RFC4: variants seen among roughly 807,000 people sequenced by gnomAD.
RFC4 encodes the protein A1 37 kDa subunit.
A neutral mutation model predicts 47.6 loss-of-function variants in RFC4; 38 were observed. The ratio of observed to expected loss-of-function variants is 0.80; its 90% CI spans 0.62 to 1.05. The LOEUF (loss-of-function observed/expected upper bound fraction) is 1.05. Among genes scored for constraint, RFC4 ranks in the 50% least tolerant of loss-of-function variants. The pLI is 0.00. For missense variants in RFC4, 489 were observed against 434.0 expected, an observed-to-expected ratio of 1.13 and a Z score of -1.13; for synonymous variants, 164 against 150.0, an observed-to-expected ratio of 1.09 and a Z score of -0.68.
At position 186,804,485 on chromosome 3, in the gene RFC4, A is replaced by G. The variant is rs1313417855; in HGVS notation, c.131+98T>C. The G allele has an allele frequency of 2.1e-5, 26 of 1,238,638 alleles. No homozygotes were observed. The Middle Eastern group carries it at 8.2e-4, about 39-fold the overall frequency. 76.7% of individuals were successfully genotyped at this position (1,238,638 alleles called of 1,614,324 possible). Reference sequence around the variant, plus strand: ...TTCAAAGACAACTTCTAAACAGAACAAAGCATTCCTCCATAAGTTAAAAAA... The same window carrying G: ...TTCAAAGACAACTTCTAAACAGAACGAAGCATTCCTCCATAAGTTAAAAAA... On this transcript the variant is annotated intron_variant, in intron 2 of 10. Transcript: ENST00000296273.
Position 186,793,747 on chromosome 3 carries a change from G to C in RFC4, c.411-800C>G, listed in dbSNP as rs1335832859. Reference sequence around the variant, plus strand: ...TTGCCTTTTTTTTTTTTTTGAGATAGAGTCTTGCTCTGTCGCCCAGGCTGG... The same window carrying C: ...TTGCCTTTTTTTTTTTTTTGAGATACAGTCTTGCTCTGTCGCCCAGGCTGG... On this transcript the variant is annotated intron_variant, in intron 5 of 10. Transcript: ENST00000296273. The surrounding 1 kb of genome is among the most constrained non-coding windows in gnomAD (Gnocchi z 4.2). Among the ~76,000 whole-genome samples the C allele has an allele frequency of 6.7e-6, 1 of 149,652 alleles. No individual in the cohort carries two copies. The highest frequency in any genetic ancestry group is 1.5e-5 in the Non-Finnish European group (1 of 67,656).
At position 186,794,553 on chromosome 3, in the gene RFC4, T is replaced by C. The variant is rs549611577; in HGVS notation, c.410+105A>G. The stretch of plus-strand genomic sequence containing the variant: ...TCTTCTAACATGAAAAGTTGACAAT[T>C]TGGCAGAAATACACTTGATCTTAGC... On this transcript the variant is annotated intron_variant, in intron 5 of 10. Coordinates refer to ENST00000296273, the MANE Select transcript of RFC4 (RefSeq NM_002916.5). 1.3e-4 allele frequency: 145 copies of C among 1,137,344 alleles called. 1 individual carries two copies. The Middle Eastern group carries it at 3.2e-3, about 25-fold the overall frequency. The allele number at this position is 1,137,344 out of a possible 1,614,324, so 70.5% of individuals were successfully genotyped here.
chr3:186,791,173 G>T, intron 8 of RFC4: 1 of 156,130 alleles, frequency 6.4e-6, no homozygotes, highest in Non-Finnish European at 1.4e-5. Context: ...ACTGCCAAAG[G>T]CATCTCTTAT....
Position 186,790,330 on chromosome 3 carries a change from A to AAG in RFC4, c.877_878insCT (p.Val293AlafsTer5), listed in dbSNP as rs1722066044. 6.2e-7 allele frequency: 1 copy of AAG among 1,613,666 alleles called. No individual in the cohort carries two copies. Among genetic ancestry groups the AAG allele is most frequent in the African/African-American group, 1.3e-5 (1 of 74,892 alleles). On this transcript the variant is annotated frameshift_variant, in exon 9 of 11. Transcript: ENST00000296273. LOFTEE classifies it high-confidence loss of function. ...AAGTTAGTAAGCTGACTTTACCTTG[A>AAG]CCACAGCTTCTAGTTTGTCAAAAGA...
intron 2 of RFC4, 115 bp downstream of exon 2, chr3:186,804,466 GAC>G: frequency 9.8e-7 from 1 of 1,024,166 alleles, no homozygotes; most frequent in Non-Finnish European, 1.4e-6. Flanking sequence ...TTTTTTCAAA[GAC>G]AACTTCTAAA....
At chr3:186,797,252 G>A (rs1464849622) in intron 4 of RFC4, among the ~76,000 whole-genome samples, 1 of 152,152 alleles carries the variant, frequency 6.6e-6, no homozygotes, top group Non-Finnish European at 1.5e-5. Context: ...GGGCCCTCTG[G>A]ACTCCAAAGT....
At chr3:186,790,507 CTAAGTTCCATACT>C (rs1337849243) in intron 8 of RFC4, 101 bp from the exon 9 acceptor site, 2 of 825,662 alleles carry the variant, frequency 2.4e-6, no homozygotes, top group Admixed American at 1.9e-5. Flanking sequence ...TGTTCCACAC[CTAAGTTCCATACT>C]TTCCTGGGAA....
chr3:186,805,157 C>T (rs1405642556), intron 1 of RFC4, among the ~76,000 whole-genome samples: 1 of 152,178 alleles, frequency 6.6e-6, no homozygotes, highest in Admixed American at 6.5e-5. Flanking sequence ...ATTAAAGGTG[C>T]TCTGCTTGCA....
At chr3:186,792,702 G>A in intron 6 of RFC4, 92 bp from the exon 7 acceptor site, 1 of 1,554,818 alleles carries the variant, frequency 6.4e-7, no homozygotes, top group Non-Finnish European at 8.7e-7. Flanking sequence ...AGATTTGATG[G>A]AGGAAAAATT....
At chr3:186,801,022 T>C in intron 3 of RFC4, 95 bp downstream of exon 3, 1 of 901,130 alleles carries the variant, frequency 1.1e-6, no homozygotes, top group Admixed American at 1.8e-5. Flanking sequence ...CAGAGCAAGA[T>C]ATTTAACGAG....
At position 186,806,326 on chromosome 3, in the gene RFC4, G is replaced by A. The variant is rs754464562; in HGVS notation, c.-48C>T. 6.6e-6 allele frequency: 1 copy of A among 152,284 alleles called. No individual in the cohort carries two copies. The highest frequency in any genetic ancestry group is 6.5e-5 in the Admixed American group (1 of 15,286). 9.4% of individuals were successfully genotyped at this position (152,284 alleles called of 1,614,324 possible). On this transcript the variant is annotated 5_prime_UTR_variant, in exon 1 of 11. Coordinates refer to ENST00000296273, the MANE Select transcript of RFC4 (RefSeq NM_002916.5). ...GCTTCTCGTGCAGGTCACCGCCGCCGGCTCGTTCCTCAGGTTTCCGCGATA... is the reference window on the plus strand; with the variant it reads ...GCTTCTCGTGCAGGTCACCGCCGCCAGCTCGTTCCTCAGGTTTCCGCGATA...
Position 186,793,805 on chromosome 3 carries a change from C to T in RFC4, c.410+853G>A, listed in dbSNP as rs949788492. Among the ~76,000 whole-genome samples the T allele has an allele frequency of 6.6e-6, 1 of 151,844 alleles. No individual in the cohort carries two copies. The highest frequency in any genetic ancestry group is 1.5e-5 in the Non-Finnish European group (1 of 67,984). The stretch of plus-strand genomic sequence containing the variant: ...TGGTGCGATCTTGGCTCACTGCAAG[C>T]TCTGCCTCCTGGGTTCACGCCATAC... On this transcript the variant is annotated intron_variant, in intron 5 of 10. Transcript: ENST00000296273. The surrounding 1 kb of genome is among the most constrained non-coding windows in gnomAD (Gnocchi z 4.2).
At position 186,793,361 on chromosome 3, in the gene RFC4, T is replaced by A. The variant is rs1722181632; in HGVS notation, c.411-414A>T. Among the ~76,000 whole-genome samples the A allele has an allele frequency of 6.6e-6, 1 of 152,248 alleles. No homozygotes were observed. Among genetic ancestry groups the A allele is most frequent in the South Asian group, 2.1e-4 (1 of 4,834 alleles). ...GTCATTCCTTTGTATTGTCAAATAC[T>A]ATGGCAAATAGATACACCACATTTA... is the stretch of plus-strand genomic sequence containing the variant. On this transcript the variant is annotated intron_variant, in intron 5 of 10. Coordinates refer to ENST00000296273, the MANE Select transcript of RFC4 (RefSeq NM_002916.5). This position sits in a 1 kb window ranked among gnomAD's most constrained non-coding sequence, Gnocchi z 4.2.
At position 186,790,410 on chromosome 3, in the gene RFC4, G is replaced by A; in HGVS notation, c.802-4C>T. 2 of 1,603,070 alleles carry A rather than the reference G, an allele frequency of 1.2e-6. No homozygotes were observed. The highest frequency in any genetic ancestry group is 1.7e-6 in the Non-Finnish European group (2 of 1,170,012). ...CAATTTTCTCAGCTGGTATTACCTAGGTAATTGAATGTTCGGTATTAAAGA... is the reference window on the plus strand; with the variant it reads ...CAATTTTCTCAGCTGGTATTACCTAAGTAATTGAATGTTCGGTATTAAAGA... On this transcript the variant is annotated splice_polypyrimidine_tract_variant and splice_region_variant and intron_variant, in intron 8 of 10. Coordinates refer to ENST00000296273, the MANE Select transcript of RFC4 (RefSeq NM_002916.5).
chr3:186,797,548 T>C lies in RFC4; in HGVS notation c.277A>G (p.Arg93Gly). The C allele has an allele frequency of 1.2e-6, 2 of 1,609,314 alleles. No individual in the cohort carries two copies. The highest frequency in any genetic ancestry group is 8.5e-7 in the Non-Finnish European group (1 of 1,176,516). The change falls in exon 4 of 11, where the codon AGA becomes GGA. Residue 93 changes from arginine (R) to glycine (G), a missense_variant. Arg to Gly is a moderately radical substitution (Grantham distance 125). Coordinates refer to ENST00000296273, the MANE Select transcript of RFC4 (RefSeq NM_002916.5). ...GKTSTILAAARELFGPELFRL... is the reference protein window; with the variant it reads ...GKTSTILAAAGELFGPELFRL... ...ATTTCAACGTACCCAAAGAGTTCTCTAGCTGCTGCCAAAATAGTGGATGTT... is the reference window on the plus strand; with the variant it reads ...ATTTCAACGTACCCAAAGAGTTCTCCAGCTGCTGCCAAAATAGTGGATGTT...
Position 186,801,108 on chromosome 3 carries a change from G to C in RFC4, c.210+9C>G. On this transcript the variant is annotated intron_variant, in intron 3 of 10. Transcript: ENST00000296273. ...ATCCCAATGACATTAAACACCATTT[G>C]CAACTCACATCTGCTCCTTCTAAAG... 6.2e-7 allele frequency: 1 copy of C among 1,600,506 alleles called. No homozygotes were observed. Among genetic ancestry groups the C allele is most frequent in the Non-Finnish European group, 8.6e-7 (1 of 1,167,574 alleles).
At chr3:186,802,198 C>T (rs755913530) in intron 2 of RFC4, among the ~76,000 whole-genome samples, 6 of 151,314 alleles carry the variant, frequency 4.0e-5, no homozygotes, top group African/African-American at 1.5e-4. Flanking sequence ...ATTAAAAATA[C>T]AAAAAAAATT....
At chr3:186,798,808 T>C (rs550592975) in intron 3 of RFC4, among the ~76,000 whole-genome samples, 41 of 152,334 alleles carry the variant, frequency 2.7e-4, no homozygotes, top group Admixed American at 2.3e-3. Flanking sequence ...GCATTTTGCA[T>C]TGGTTTATTG....
rs963190268 is a variant in RFC4, at chr3:186,791,514, C to T, written c.801+211G>A. On this transcript the variant is annotated intron_variant, in intron 8 of 10. Transcript: ENST00000296273. ...AACTAACAACTGAAAGTGTCCTTTT[C>T]TTTCCTGAAATGTCTGTTACATGCC... 5 of 546,716 alleles carry T rather than the reference C, an allele frequency of 9.1e-6. No individual in the cohort carries two copies. The Admixed American group carries it at 1.2e-4, about 13-fold the overall frequency. The allele number at this position is 546,716 out of a possible 1,614,324, so 33.9% of individuals were successfully genotyped here.
Sources: allele counts gnomAD v4.1 joint callset (sites outside exome capture counted in the v4.1 genomes callset), GRCh38; gene constraint gnomAD v4.1.1; non-coding constraint Gnocchi (gnomAD v3.1); transcripts MANE v1.5; gene names NCBI Gene and HGNC (gene_info 2026-07-23, HGNC 2026-07-21).